The following GNB4 variants were observed in gnomAD, a reference collection of about 807,000 sequenced individuals.
The protein encoded by GNB4 is guanine nucleotide-binding protein subunit beta-4.
Under a neutral mutation model 45.2 loss-of-function variants are expected in GNB4, and 28 were observed. That is an observed-to-expected ratio of 0.62 (90% CI 0.46 to 0.85). The LOEUF (loss-of-function observed/expected upper bound fraction) is 0.85. Ranked by LOEUF, GNB4 falls within the 40% of genes least tolerant of loss-of-function variation. The pLI, the probability that GNB4 is intolerant of heterozygous loss-of-function variation, is 0.00. For synonymous variants in GNB4, 132 were observed against 143.7 expected (o/e 0.92, Z 0.58); for missense variants, 321 against 425.4 (o/e 0.75, Z 2.16).
chr3:179,504,126 T>G, the GNB4 span, among the ~76,000 whole-genome samples: 1 of 152,256 alleles, frequency 6.6e-6, no homozygotes, highest in South Asian at 2.1e-4. Context: ...AAATCAAAAT[T>G]CTGAATTTTC....
At chr3:179,498,748 G>GT in the GNB4 span, among the ~76,000 whole-genome samples, 41,253 of 117,212 alleles carry the variant, frequency 0.35, 7,095 homozygotes, top group East Asian at 0.56. Flanking sequence ...GTTGAGGTTT[G>GT]GTTTTTTTTT....
intron 1 of GNB4, among the ~76,000 whole-genome samples, chr3:179,441,751 CAAAA>C (rs532127011): frequency 8.1e-6 from 1 of 124,092 alleles, no homozygotes; most frequent in Non-Finnish European, 1.7e-5. Context: ...GACTCCATCT[CAAAA>C]AAAAAAAAAA....
At chr3:179,518,675 T>C in the GNB4 span, among the ~76,000 whole-genome samples, 16 of 152,172 alleles carry the variant, frequency 1.1e-4, no homozygotes, top group African/African-American at 3.1e-4. Context: ...AAAAGGTGGC[T>C]GGAGCTAAAG....
the GNB4 span, among the ~76,000 whole-genome samples, chr3:179,525,470 G>C: frequency 6.6e-6 from 1 of 152,148 alleles, no homozygotes; most frequent in East Asian, 1.9e-4. Flanking sequence ...CACGGAGAAG[G>C]GGGTGGTGAG....
At chr3:179,430,294 G>T (rs1715272543) in intron 1 of GNB4, among the ~76,000 whole-genome samples, 1 of 152,102 alleles carries the variant, frequency 6.6e-6, no homozygotes, top group Admixed American at 6.5e-5. Flanking sequence ...TCGCCATGTT[G>T]CCCAGGCTTG....
the GNB4 span, among the ~76,000 whole-genome samples, chr3:179,517,109 G>A: frequency 2.6e-5 from 4 of 152,248 alleles, no homozygotes; most frequent in East Asian, 1.9e-4. Context: ...CATATTCCCC[G>A]TGACCTGCAC....
At chr3:179,404,812 A>C (rs1345483499) in intron 9 of GNB4, among the ~76,000 whole-genome samples, 1 of 152,200 alleles carries the variant, frequency 6.6e-6, no homozygotes, top group African/African-American at 2.4e-5. Flanking sequence ...GGGAAGCGAC[A>C]GGTCTATGTC....
chr3:179,403,370 C>CT (rs1245806078), intron 9 of GNB4, among the ~76,000 whole-genome samples: 1 of 151,448 alleles, frequency 6.6e-6, no homozygotes, highest in East Asian at 1.9e-4. Flanking sequence ...AATTCTTTCA[C>CT]TAATAATAGC....
At chr3:179,475,315 T>C in the GNB4 span, among the ~76,000 whole-genome samples, 1 of 151,194 alleles carries the variant, frequency 6.6e-6, no homozygotes, top group Non-Finnish European at 1.5e-5. Context: ...GCAGACAGGT[T>C]TCACCATGTT....
At chr3:179,418,501 GAA>G (rs1201127385) in intron 4 of GNB4, among the ~76,000 whole-genome samples, 1 of 137,268 alleles carries the variant, frequency 7.3e-6, no homozygotes. Flanking sequence ...AAAAAGAAAA[GAA>G]AAAGAAAAAG....
chr3:179,471,587 T>A, the GNB4 span, among the ~76,000 whole-genome samples: 2 of 152,168 alleles, frequency 1.3e-5, no homozygotes, highest in Admixed American at 1.3e-4. Context: ...CTACTCCATC[T>A]AGGTTTGTGT....
chr3:179,477,483 T>G, the GNB4 span, among the ~76,000 whole-genome samples: 6 of 152,304 alleles, frequency 3.9e-5, no homozygotes, highest in South Asian at 1.2e-3. Context: ...TGGCCTTTGC[T>G]CCAGTTTCCA....
chr3:179,419,613 A>G, intron 3 of GNB4, 108 bp from the exon 4 acceptor site: 2 of 722,854 alleles, frequency 2.8e-6, no homozygotes, highest in South Asian at 3.1e-5. Flanking sequence ...GTACATTTAT[A>G]GTAACTGAAG....
At chr3:179,452,231 T>TC (rs398052486), upstream of GNB4, among the ~76,000 whole-genome samples, 4 of 148,708 alleles carry the variant, frequency 2.7e-5, no homozygotes, top group East Asian at 5.9e-4. Context: ...TTTTTTTTTT[T>TC]CACATTTATC....
intron 5 of GNB4, among the ~76,000 whole-genome samples, chr3:179,415,427 A>G (rs1485378138): frequency 6.6e-6 from 1 of 152,244 alleles, no homozygotes; most frequent in South Asian, 2.1e-4. Context: ...TTCCTCCAAC[A>G]TAACTCTGAA....
chr3:179,432,372 T>C (rs1375351107), intron 1 of GNB4, among the ~76,000 whole-genome samples: 1 of 152,188 alleles, frequency 6.6e-6, no homozygotes, highest in Non-Finnish European at 1.5e-5. Flanking sequence ...TTTTGTCACT[T>C]GGGAGAGAGA....
chr3:179,426,178 C>T lies in GNB4; in HGVS notation c.23G>A (p.Arg8Lys), dbSNP rs1381440542. Residue 8 changes from arginine (R) to lysine (K), a missense_variant, in exon 2 of 10, where the codon AGG (arginine) becomes AAG (lysine). Transcript: ENST00000232564. ...ATTCCGCAGTTGTTCTGCTTCTTGC[C>T]TCAACTGTTCCAGTTCGCTCATTTT... MSELEQLRQEAEQLRNQI... is the reference protein window; with the variant it reads MSELEQLKQEAEQLRNQI... 1.2e-6 allele frequency: 2 copies of T among 1,600,822 alleles called. No individual in the cohort carries two copies. Among genetic ancestry groups the T allele is most frequent in the African/African-American group, 2.7e-5 (2 of 73,936 alleles).
intron 1 of GNB4, among the ~76,000 whole-genome samples, chr3:179,448,366 G>C (rs183406650): frequency 1.9e-4 from 29 of 152,108 alleles, no homozygotes; most frequent in Admixed American, 6.5e-4. Flanking sequence ...ACACAAAATA[G>C]TTTCAGAATT....
At chr3:179,506,796 T>G in the GNB4 span, among the ~76,000 whole-genome samples, 2 of 152,204 alleles carry the variant, frequency 1.3e-5, no homozygotes, top group Non-Finnish European at 2.9e-5. Flanking sequence ...TCTCATTTTT[T>G]TCTATATTAC....
Sources: allele counts gnomAD v4.1 joint callset (sites outside exome capture counted in the v4.1 genomes callset), GRCh38; gene constraint gnomAD v4.1.1; transcripts MANE v1.5; gene names NCBI Gene and HGNC (gene_info 2026-07-23, HGNC 2026-07-21).